DGKI: variants seen among roughly 807,000 people sequenced by gnomAD.
DGKI encodes the protein DAG kinase iota.
DGKI carries 55 observed loss-of-function variants against 147.5 expected under a neutral mutation model. The ratio of observed to expected loss-of-function variants is 0.37; its 90% CI spans 0.30 to 0.47. The LOEUF (loss-of-function observed/expected upper bound fraction) is 0.47, where lower values mean the gene tolerates loss of function less well. Ranked by LOEUF, DGKI falls within the 20% of genes least tolerant of loss-of-function variation. The pLI is 1.00. For missense variants in DGKI, 1,007 were observed against 1,323.8 expected, an observed-to-expected ratio of 0.76 and a Z score of 3.71; for synonymous variants, 469 against 477.1, an observed-to-expected ratio of 0.98 and a Z score of 0.22.
chr7:137,437,529 T>G (rs1458398705), intron 28 of DGKI, among the ~76,000 whole-genome samples: 3 of 152,176 alleles, frequency 2.0e-5, no homozygotes, highest in Non-Finnish European at 4.4e-5. Flanking sequence ...GAGATGTGGC[T>G]TGGAATAGAA....
At chr7:137,406,173 AC>A (rs1252251382) in intron 30 of DGKI, among the ~76,000 whole-genome samples, 2 of 142,676 alleles carry the variant, frequency 1.4e-5, no homozygotes, top group East Asian at 4.3e-4. Context: ...GATCAAGAAG[AC>A]AGCAAATAGG....
chr7:137,828,107 C>G (rs1174919744), intron 1 of DGKI, among the ~76,000 whole-genome samples: 5 of 152,222 alleles, frequency 3.3e-5, no homozygotes, highest in Non-Finnish European at 7.3e-5. Flanking sequence ...TGTCTTGCTT[C>G]TCTCTATCAC....
At chr7:137,809,707 C>A (rs1326764966) in intron 1 of DGKI, among the ~76,000 whole-genome samples, 2 of 152,052 alleles carry the variant, frequency 1.3e-5, no homozygotes, top group African/African-American at 4.8e-5. Context: ...AGTTCAAGAC[C>A]AGCCTGGGCA....
intron 1 of DGKI, among the ~76,000 whole-genome samples, chr7:137,718,938 A>G (rs1794466139): frequency 6.6e-6 from 1 of 152,232 alleles, no homozygotes; most frequent in Admixed American, 6.5e-5. Flanking sequence ...TGTAAAATAT[A>G]CAAGGGGCAC....
chr7:137,436,890 GA>G (rs1264907874), intron 28 of DGKI, among the ~76,000 whole-genome samples: 9 of 151,932 alleles, frequency 5.9e-5, no homozygotes, highest in African/African-American at 2.2e-4. Flanking sequence ...AGACCAAGGG[GA>G]AAAAAATTGT....
chr7:137,652,900 T>G (rs755583788), intron 5 of DGKI, among the ~76,000 whole-genome samples: 1 of 152,220 alleles, frequency 6.6e-6, no homozygotes, highest in African/African-American at 2.4e-5. Context: ...ACTGTGTAAA[T>G]AGGCTGATGA....
chr7:137,675,173 T>C (rs1422979437), intron 3 of DGKI, among the ~76,000 whole-genome samples: 1 of 152,190 alleles, frequency 6.6e-6, no homozygotes, highest in Non-Finnish European at 1.5e-5. Flanking sequence ...CTCTGTGACC[T>C]CTTGCCCAAA....
At chr7:137,653,405 TA>T (rs1169199274) in intron 5 of DGKI, among the ~76,000 whole-genome samples, 11 of 152,250 alleles carry the variant, frequency 7.2e-5, no homozygotes, top group Non-Finnish European at 1.3e-4. Flanking sequence ...TAAAGTAGTT[TA>T]ATGCTCACCT....
intron 1 of DGKI, among the ~76,000 whole-genome samples, chr7:137,726,490 C>T (rs931323229): frequency 6.6e-6 from 1 of 152,158 alleles, no homozygotes; most frequent in African/African-American, 2.4e-5. Flanking sequence ...AAATTATTAA[C>T]CAAAATATAA....
At chr7:137,532,719 G>T (rs897272488) in intron 20 of DGKI, among the ~76,000 whole-genome samples, 1 of 152,036 alleles carries the variant, frequency 6.6e-6, no homozygotes, top group Non-Finnish European at 1.5e-5. Flanking sequence ...TGACCCTCCC[G>T]CTTTCCCAAT....
intron 1 of DGKI, among the ~76,000 whole-genome samples, chr7:137,763,692 C>T (rs1795926836): frequency 6.6e-6 from 1 of 152,228 alleles, no homozygotes; most frequent in Non-Finnish European, 1.5e-5. Flanking sequence ...AACAGTAATT[C>T]TATAGCTTCT....
chr7:137,458,824 G>C (rs1031060619), intron 27 of DGKI, among the ~76,000 whole-genome samples: 1 of 152,090 alleles, frequency 6.6e-6, no homozygotes, highest in Non-Finnish European at 1.5e-5. Flanking sequence ...TTAATGATAA[G>C]AGCAAATACA....
At chr7:137,732,633 ACCT>A (rs1794916463) in intron 1 of DGKI, among the ~76,000 whole-genome samples, 1 of 151,656 alleles carries the variant, frequency 6.6e-6, no homozygotes, top group Non-Finnish European at 1.5e-5. Context: ...TTTGCTCCAA[ACCT>A]CCTCATGTGC....
At chr7:137,761,430 T>C (rs916021173) in intron 1 of DGKI, among the ~76,000 whole-genome samples, 1 of 152,228 alleles carries the variant, frequency 6.6e-6, no homozygotes, top group African/African-American at 2.4e-5. Context: ...CCTCACCTGG[T>C]TATTGTGGTG....
At chr7:137,709,524 C>T (rs1794152916) in intron 1 of DGKI, among the ~76,000 whole-genome samples, 1 of 152,202 alleles carries the variant, frequency 6.6e-6, no homozygotes, top group South Asian at 2.1e-4. Context: ...TATCTGACCA[C>T]ACACTAGCCC....
In DGKI at chr7:137,691,806, T is replaced by TTTTTTTTTTTTTTTG. The variant is rs1823618443; in HGVS notation, c.402-1805_402-1804insCAAAAAAAAAAAAAA. Among the ~76,000 whole-genome samples the TTTTTTTTTTTTTTTG allele has an allele frequency of 3.0e-5, 4 of 132,232 alleles. No individual in the cohort carries two copies. In the East Asian group the frequency reaches 8.7e-4, roughly 29 times the overall value. 86.7% of individuals were successfully genotyped at this position (132,232 alleles called of 152,430 possible). A position where few individuals can be genotyped will look rare whatever the true frequency, so the allele number is the denominator to read the frequency against. On this transcript the variant is annotated intron_variant, in intron 1 of 32. Transcript: ENST00000614521. Reference sequence around the variant, plus strand: ...AGTGTCTAGACCTTTGGGTTTTTTTTTTTTTTTTTTTTTTTAAGCCTCTTG... The same window carrying TTTTTTTTTTTTTTTG: ...AGTGTCTAGACCTTTGGGTTTTTTTTTTTTTTTTTTTTTTGTTTTTTTTTTTTTTTAAGCCTCTTG...
intron 21 of DGKI, among the ~76,000 whole-genome samples, chr7:137,491,752 C>A (rs6467707): frequency 0.12 from 17,863 of 152,212 alleles, 1,226 homozygotes; most frequent in African/African-American, 0.19. Flanking sequence ...TATACAGATA[C>A]TACAGACCAC....
At chr7:137,563,288 C>T (rs1391773422) in intron 19 of DGKI, among the ~76,000 whole-genome samples, 2 of 151,476 alleles carry the variant, frequency 1.3e-5, no homozygotes, top group African/African-American at 4.9e-5. Flanking sequence ...TAAAAAAAAA[C>T]TACAATTAAG....
At chr7:137,409,508 C>G (rs984129364) in intron 29 of DGKI, among the ~76,000 whole-genome samples, 1 of 152,130 alleles carries the variant, frequency 6.6e-6, no homozygotes, top group East Asian at 1.9e-4. Flanking sequence ...GGACATGGAT[C>G]CAAAGCAGTA....
Sources: allele counts gnomAD v4.1 joint callset (sites outside exome capture counted in the v4.1 genomes callset), GRCh38; gene constraint gnomAD v4.1.1; transcripts MANE v1.5; gene names NCBI Gene and HGNC (gene_info 2026-07-23, HGNC 2026-07-21).